HSD17B4: variants seen among roughly 807,000 people sequenced by gnomAD.
The protein encoded by HSD17B4 is hydroxysteroid 17-beta dehydrogenase 4.
HSD17B4 carries 70 observed loss-of-function variants against 101.0 expected under a neutral mutation model. The observed-to-expected ratio is 0.69, with a 90% CI of 0.57 to 0.85. The LOEUF is 0.85. HSD17B4 is among the 40% of genes least tolerant of loss of function. The probability of loss-of-function intolerance (pLI) is 0.00; values close to 1 mark genes in which losing one functional copy is unlikely to be tolerated. For missense variants in HSD17B4, 984 were observed against 892.4 expected, an observed-to-expected ratio of 1.10 and a Z score of -1.31; for synonymous variants, 347 against 297.1, an observed-to-expected ratio of 1.17 and a Z score of -1.73.
intron 14 of HSD17B4, among the ~76,000 whole-genome samples, chr5:119,503,892 G>A (rs940029871): frequency 2.6e-5 from 4 of 152,044 alleles, no homozygotes; most frequent in Non-Finnish European, 5.9e-5. Flanking sequence ...CATCACTCAG[G>A]TAGTGAGCAT....
At chr5:119,481,261 G>T (rs1361640866) in intron 8 of HSD17B4, among the ~76,000 whole-genome samples, 3 of 152,102 alleles carry the variant, frequency 2.0e-5, no homozygotes, top group African/African-American at 7.2e-5. Context: ...TTAATTTGGG[G>T]AACTAATAAA....
chr5:119,488,029 T>G (rs1422509422), intron 8 of HSD17B4, among the ~76,000 whole-genome samples: 1 of 152,160 alleles, frequency 6.6e-6, no homozygotes, highest in Non-Finnish European at 1.5e-5. Flanking sequence ...ATACACCATC[T>G]TTTTTACTTT....
chr5:119,529,810 A>C, intron 20 of HSD17B4, 84 bp from the exon 21 acceptor site: 1 of 824,364 alleles, frequency 1.2e-6, no homozygotes, highest in Non-Finnish European at 2.1e-6. Flanking sequence ...AAAATAATAA[A>C]TTTTAAACTT....
intron 2 of HSD17B4, chr5:119,472,585 C>T (rs1458741663): frequency 6.6e-6 from 1 of 152,216 alleles, no homozygotes; most frequent in East Asian, 1.9e-4. Flanking sequence ...AGGTGTGCAT[C>T]ATCACGCCCA....
intron 21 of HSD17B4, among the ~76,000 whole-genome samples, chr5:119,530,708 C>T (rs1030656750): frequency 1.3e-5 from 2 of 151,416 alleles, no homozygotes; most frequent in Non-Finnish European, 2.9e-5. Context: ...CAAAAATTAG[C>T]CAGCCTTGGT....
intron 21 of HSD17B4, among the ~76,000 whole-genome samples, chr5:119,530,919 T>G (rs1754041873): frequency 6.7e-6 from 1 of 150,126 alleles, no homozygotes; most frequent in South Asian, 2.1e-4. Flanking sequence ...AAATTCAGAC[T>G]TCATGTAATT....
intron 2 of HSD17B4, among the ~76,000 whole-genome samples, chr5:119,463,102 A>T (rs1755430292): frequency 1.3e-5 from 2 of 152,124 alleles, no homozygotes; most frequent in Non-Finnish European, 2.9e-5. Flanking sequence ...TGAAAACATG[A>T]TGTATTTATC....
intron 16 of HSD17B4, among the ~76,000 whole-genome samples, chr5:119,514,735 A>G (rs1752463805): frequency 6.6e-6 from 1 of 152,068 alleles, no homozygotes; most frequent in South Asian, 2.1e-4. Context: ...GGCCTGGAGG[A>G]TTTATCTGAT....
intron 20 of HSD17B4, 148 bp from the exon 21 acceptor site, chr5:119,529,746 C>A (rs1472602880): frequency 6.5e-6 from 4 of 611,348 alleles, no homozygotes; most frequent in Non-Finnish European, 1.2e-5. Flanking sequence ...TTGACATTTA[C>A]TTTAGCAGCC....
intron 20 of HSD17B4, 83 bp downstream of exon 20, chr5:119,527,302 A>G (rs957317265): frequency 5.3e-6 from 4 of 756,006 alleles, no homozygotes; most frequent in African/African-American, 5.3e-5. Context: ...AGTACTATGG[A>G]TAGAAAGTTC....
At chr5:119,526,914 C>T (rs1753650661) in intron 19 of HSD17B4, among the ~76,000 whole-genome samples, 1 of 151,704 alleles carries the variant, frequency 6.6e-6, no homozygotes, top group African/African-American at 2.4e-5. Context: ...TTTTTGATTC[C>T]ATACTTTGAA....
At chr5:119,471,572 A>G in intron 2 of HSD17B4, 1 of 639,882 alleles carries the variant, frequency 1.6e-6, no homozygotes, top group Non-Finnish European at 2.4e-6. Context: ...GTTAATCATA[A>G]CTATTACATT....
At position 119,456,586 on chromosome 5, in the gene HSD17B4, A is replaced by T. The variant is rs925028073; in HGVS notation, c.112+218A>T. 5 of 552,518 alleles carry T rather than the reference A, an allele frequency of 9.0e-6. No individual in the cohort carries two copies. In the Admixed American group the frequency reaches 1.2e-4, roughly 14 times the overall value. The allele number at this position is 552,518 out of a possible 1,614,324, so 34.2% of individuals were successfully genotyped here. On this transcript the variant is annotated intron_variant, in intron 2 of 23. Coordinates refer to ENST00000510025, the MANE Select transcript of HSD17B4 (RefSeq NM_000414.4). ...GAATTCCCAGCTTAACAGAATTGAT[A>T]ACGAAGGGCTAGGGGGTAGGCATGC...
intron 13 of HSD17B4, among the ~76,000 whole-genome samples, chr5:119,500,784 T>C (rs866676306): frequency 6.6e-6 from 1 of 152,026 alleles, no homozygotes; most frequent in South Asian, 2.1e-4. Flanking sequence ...ATCATGAGAA[T>C]AGGGTATTTG....
intron 17 of HSD17B4, among the ~76,000 whole-genome samples, chr5:119,518,841 A>G (rs1461123315): frequency 1.3e-5 from 2 of 152,118 alleles, no homozygotes; most frequent in African/African-American, 2.4e-5. Context: ...TCATCTTGAA[A>G]CTGGTATGAC....
intron 21 of HSD17B4, chr5:119,530,199 T>C: frequency 2.0e-6 from 1 of 504,784 alleles, no homozygotes; most frequent in Non-Finnish European, 3.5e-6. Context: ...CTAGGATATC[T>C]TTCAAGAGAA....
intron 16 of HSD17B4, 184 bp downstream of exon 16, chr5:119,509,428 A>G (rs1221589382): frequency 4.3e-6 from 3 of 695,808 alleles, no homozygotes; most frequent in Non-Finnish European, 5.2e-6. Flanking sequence ...CCTCCTCCTC[A>G]GCCTACCCAA....
intron 2 of HSD17B4, among the ~76,000 whole-genome samples, chr5:119,460,212 A>C (rs1580506577): frequency 6.6e-6 from 1 of 152,154 alleles, no homozygotes; most frequent in Non-Finnish European, 1.5e-5. Flanking sequence ...TCAGGGATTA[A>C]ATTTCAATGT....
At position 119,511,228 on chromosome 5, in the gene HSD17B4, T is replaced by A. The variant is rs973828874; in HGVS notation, c.1437+1984T>A. ...TCTTCACAAGGAAACAGAGTCTTTTTGTAACTAAGTATTTGGAAGTTCAAG... is the reference window on the plus strand; with the variant it reads ...TCTTCACAAGGAAACAGAGTCTTTTAGTAACTAAGTATTTGGAAGTTCAAG... On this transcript the variant is annotated intron_variant, in intron 16 of 23. Transcript: ENST00000510025. Among the ~76,000 whole-genome samples, 9 of 152,200 alleles carry A rather than the reference T, an allele frequency of 5.9e-5. 1 individual carries two copies. The highest frequency in any genetic ancestry group is 5.2e-4 in the Admixed American group (8 of 15,282).
Sources: gnomAD v4.1 joint callset for allele counts (sites outside exome capture counted in the v4.1 genomes callset) on GRCh38, gnomAD v4.1.1 for gene constraint, MANE v1.5 for transcripts, NCBI Gene and HGNC (gene_info 2026-07-23, HGNC 2026-07-21) for gene names.